Variants in PAPSS2 observed in about 807,000 individuals in gnomAD.
The protein encoded by PAPSS2 is 3'-phosphoadenosine 5'-phosphosulfate synthase 2, also known as bifunctional 3'-phosphoadenosine 5'-phosphosulfate synthase 2.
Under a neutral mutation model 66.5 loss-of-function variants are expected in PAPSS2, and 61 were observed. The ratio of observed to expected loss-of-function variants is 0.92; its 90% CI spans 0.75 to 1.14. The LOEUF is 1.14. PAPSS2 is among the 50% of genes most tolerant of loss of function. The pLI is 0.00. For missense variants in PAPSS2, 708 were observed against 789.6 expected, an observed-to-expected ratio of 0.90 and a Z score of 1.24; for synonymous variants, 289 against 287.5, an observed-to-expected ratio of 1.01 and a Z score of -0.05.
rs138943074 is a variant in PAPSS2 at position 87,715,787 on chromosome 10, G to A, written c.809G>A (p.Gly270Asp). The part of the protein sequence containing the change: ...LSEGWATPLK[G>D]FMREKEYLQV... ...GAAGGCTGGGCCACTCCCCTCAAAG[G>A]TTTCATGCGGGAGAAGGAGTACTTA... Residue 270 changes from glycine (G) to aspartate (D), a missense_variant, in exon 7 of 13, where the codon GGT (glycine) becomes GAT (aspartate). Physicochemically the swap from Gly to Asp is moderately conservative, Grantham distance 94. Coordinates refer to ENST00000456849, the MANE Select transcript of PAPSS2 (RefSeq NM_001015880.2). 6.0e-4 allele frequency: 969 copies of A among 1,613,856 alleles called. No homozygotes were observed. The highest frequency in any genetic ancestry group is 7.8e-4 in the Non-Finnish European group (920 of 1,179,784).
At position 87,747,204 on chromosome 10, in the gene PAPSS2, C is replaced by A. The variant is rs536972670; in HGVS notation, c.*1234C>A. On this transcript the variant is annotated 3_prime_UTR_variant, in exon 13 of 13. Transcript: ENST00000456849. The stretch of plus-strand genomic sequence containing the variant: ...AGTTGAAAAAAAAAAAAAGCTATTC[C>A]AAAGATTTCAAGCTGTTCTGAGACA... 1.3e-5 allele frequency: 2 copies of A among 151,726 alleles called. No individual in the cohort carries two copies. The highest frequency in any genetic ancestry group is 2.9e-5 in the Non-Finnish European group (2 of 67,942). The allele number at this position is 151,726 out of a possible 1,614,324, so 9.4% of individuals were successfully genotyped here. A position where few individuals can be genotyped will look rare whatever the true frequency, so the allele number is the denominator to read the frequency against.
chr10:87,741,914 T>C (rs1476114202), intron 10 of PAPSS2, among the ~76,000 whole-genome samples: 1 of 151,960 alleles, frequency 6.6e-6, no homozygotes, highest in Non-Finnish European at 1.5e-5. Flanking sequence ...CATGCCACCA[T>C]ACTCTGCTAA....
At chr10:87,663,948 A>G (rs1220760310) in intron 1 of PAPSS2, among the ~76,000 whole-genome samples, 1 of 152,070 alleles carries the variant, frequency 6.6e-6, no homozygotes, top group African/African-American at 2.4e-5. Flanking sequence ...TTGTTTTGAG[A>G]CAGGCTGGAG....
intron 1 of PAPSS2, among the ~76,000 whole-genome samples, chr10:87,662,837 T>C (rs1289494646): frequency 6.6e-6 from 1 of 152,120 alleles, no homozygotes; most frequent in Non-Finnish European, 1.5e-5. Context: ...TCTCCATAGA[T>C]GTAAGGGATT....
At chr10:87,660,673 G>C (rs1794355176) in intron 1 of PAPSS2, among the ~76,000 whole-genome samples, 1 of 151,966 alleles carries the variant, frequency 6.6e-6, no homozygotes, top group Admixed American at 6.6e-5. Flanking sequence ...AATCTGAGCT[G>C]TCCTCCTTTA....
At chr10:87,664,101 TG>T (rs1300267173) in intron 1 of PAPSS2, among the ~76,000 whole-genome samples, 2 of 152,134 alleles carry the variant, frequency 1.3e-5, no homozygotes, top group Non-Finnish European at 2.9e-5. Flanking sequence ...GTTGTTGTTT[TG>T]GTAGAGATGA....
At chr10:87,690,716 A>G (rs1853162022) in intron 1 of PAPSS2, among the ~76,000 whole-genome samples, 1 of 152,218 alleles carries the variant, frequency 6.6e-6, no homozygotes, top group East Asian at 1.9e-4. Context: ...CATTAAAAAC[A>G]ACTATTTTTC....
chr10:87,704,177 G>T, intron 1 of PAPSS2: 1 of 376,890 alleles, frequency 2.7e-6, no homozygotes, highest in Non-Finnish European at 5.1e-6. Context: ...AACCAAAAGA[G>T]CCCAGTACCT....
Position 87,744,987 on chromosome 10 carries a change from A to T in PAPSS2, c.1492-15A>T. The T allele has an allele frequency of 6.2e-7, 1 of 1,608,480 alleles. No homozygotes were observed. Among genetic ancestry groups the T allele is most frequent in the Non-Finnish European group, 8.5e-7 (1 of 1,175,006 alleles). The stretch of plus-strand genomic sequence containing the variant: ...ACCCACAATGACCAGCATGTCCCTT[A>T]TGGACATTTTCTAGGTCCAGTGGCA... On this transcript the variant is annotated splice_polypyrimidine_tract_variant and intron_variant, in intron 11 of 12. Coordinates refer to ENST00000456849, the MANE Select transcript of PAPSS2 (RefSeq NM_001015880.2).
At chr10:87,724,915 C>T (rs539363070) in intron 8 of PAPSS2, among the ~76,000 whole-genome samples, 63 of 112,070 alleles carry the variant, frequency 5.6e-4, no homozygotes, top group African/African-American at 2.2e-3. Flanking sequence ...GGAATTGGTT[C>T]GTGTGATTGT....
At chr10:87,701,108 G>A (rs1034716179) in intron 1 of PAPSS2, among the ~76,000 whole-genome samples, 1 of 151,194 alleles carries the variant, frequency 6.6e-6, no homozygotes, top group Admixed American at 6.6e-5. Flanking sequence ...ATATAATAAA[G>A]TACATACCAA....
intron 1 of PAPSS2, among the ~76,000 whole-genome samples, chr10:87,681,207 A>T (rs1488815438): frequency 6.6e-6 from 1 of 152,208 alleles, no homozygotes; most frequent in Middle Eastern, 3.2e-3. Flanking sequence ...ATAGCGTTGG[A>T]TCGTGTGAAT....
chr10:87,675,148 G>A (rs768016870), intron 1 of PAPSS2, among the ~76,000 whole-genome samples: 2 of 152,166 alleles, frequency 1.3e-5, no homozygotes, highest in Admixed American at 6.5e-5. Context: ...ATCTTTTCTA[G>A]TAATGACTTA....
chr10:87,694,899 G>A (rs148901318), intron 1 of PAPSS2, among the ~76,000 whole-genome samples: 1 of 152,384 alleles, frequency 6.6e-6, no homozygotes, highest in East Asian at 1.9e-4. Context: ...CTCAGAAGGA[G>A]TAGGGTTCAT....
intron 1 of PAPSS2, among the ~76,000 whole-genome samples, chr10:87,685,331 C>T (rs1853074300): frequency 6.6e-6 from 1 of 152,110 alleles, no homozygotes; most frequent in South Asian, 2.1e-4. Flanking sequence ...TTTTTATTTT[C>T]TGTATGGAGT....
intron 11 of PAPSS2, among the ~76,000 whole-genome samples, chr10:87,744,461 T>C (rs1200063019): frequency 6.6e-6 from 1 of 152,064 alleles, no homozygotes; most frequent in Non-Finnish European, 1.5e-5. Flanking sequence ...CCAAACTGAG[T>C]TTAATGAATT....
chr10:87,732,499 G>T (rs891670519), intron 9 of PAPSS2, among the ~76,000 whole-genome samples: 11 of 151,784 alleles, frequency 7.2e-5, no homozygotes, highest in African/African-American at 2.4e-4. Context: ...CTCCAACCTG[G>T]GCTATAGGAG....
intron 1 of PAPSS2, among the ~76,000 whole-genome samples, chr10:87,673,415 C>T (rs1852903747): frequency 1.3e-5 from 2 of 152,078 alleles, no homozygotes; most frequent in Non-Finnish European, 2.9e-5. Flanking sequence ...CCACCTTGCC[C>T]TCCTAAAGTG....
intron 1 of PAPSS2, among the ~76,000 whole-genome samples, chr10:87,705,555 A>G (rs1367276915): frequency 6.6e-6 from 1 of 152,116 alleles, no homozygotes; most frequent in African/African-American, 2.4e-5. Context: ...ATGAGAGCAC[A>G]TGTTTGCTGC....
Sources: allele counts gnomAD v4.1 joint callset (sites outside exome capture counted in the v4.1 genomes callset), GRCh38; gene constraint gnomAD v4.1.1; transcripts MANE v1.5; gene names NCBI Gene and HGNC (gene_info 2026-07-23, HGNC 2026-07-21).